Variants in SCN8A observed in about 807,000 individuals in gnomAD.
SCN8A encodes the protein sodium voltage-gated channel alpha subunit 8.
In SCN8A, 30 loss-of-function variants were observed where a neutral mutation model predicts 184.1. The observed-to-expected ratio is 0.16, with a 90% confidence interval of 0.12 to 0.22. The LOEUF is 0.22. Among genes scored for constraint, SCN8A ranks in the 10% least tolerant of loss-of-function variants. The pLI, the probability that SCN8A is intolerant of heterozygous loss-of-function variation, is 1.00. For synonymous variants in SCN8A, 852 were observed against 907.0 expected (o/e 0.94, Z 1.09); for missense variants, 1,057 against 2,498.9 (o/e 0.42, Z 12.30).
chr12:51,743,392 C>T (rs548234739), intron 12 of SCN8A, among the ~76,000 whole-genome samples: 7 of 152,206 alleles, frequency 4.6e-5, no homozygotes, highest in East Asian at 1.9e-4. Flanking sequence ...ATTTGAGCCC[C>T]GAGTCCAATA....
intron 12 of SCN8A, among the ~76,000 whole-genome samples, chr12:51,737,138 G>A (rs911318825): frequency 1.3e-5 from 2 of 152,172 alleles, no homozygotes; most frequent in Non-Finnish European, 2.9e-5. Flanking sequence ...TTGTGCCTTC[G>A]TGAGAGGGAC....
At chr12:51,684,577 G>A (rs1428902411) in intron 3 of SCN8A, among the ~76,000 whole-genome samples, 1 of 152,118 alleles carries the variant, frequency 6.6e-6, no homozygotes, top group Non-Finnish European at 1.5e-5. Context: ...ACTTTATTTA[G>A]TACTCAGACT....
intron 1 of SCN8A, among the ~76,000 whole-genome samples, chr12:51,644,188 TA>T (rs1940513090): frequency 6.6e-6 from 1 of 152,150 alleles, no homozygotes; most frequent in South Asian, 2.1e-4. Context: ...TATGATCTCA[TA>T]GGGCTGGAAG....
intron 1 of SCN8A, among the ~76,000 whole-genome samples, chr12:51,655,054 A>G (rs1454320381): frequency 1.3e-5 from 2 of 151,978 alleles, no homozygotes; most frequent in East Asian, 3.9e-4. Context: ...CATGTACACC[A>G]CGCCCAGCTA....
At chr12:51,775,275 T>G (rs1937654231) in intron 20 of SCN8A, among the ~76,000 whole-genome samples, 1 of 152,218 alleles carries the variant, frequency 6.6e-6, no homozygotes, top group Admixed American at 6.5e-5. Context: ...CAGGTTTCAT[T>G]GGCTGCATGG....
intron 20 of SCN8A, among the ~76,000 whole-genome samples, chr12:51,779,179 C>T (rs1937811882): frequency 6.9e-6 from 1 of 144,976 alleles, no homozygotes; most frequent in Non-Finnish European, 1.5e-5. Context: ...AAGATTGTGC[C>T]ATTGCACTCC....
chr12:51,599,376 T>C (rs560977967), intron 1 of SCN8A, among the ~76,000 whole-genome samples: 1 of 152,302 alleles, frequency 6.6e-6, no homozygotes, highest in South Asian at 2.1e-4. Flanking sequence ...CAAGTTGGTA[T>C]GATTAGAGAC....
At chr12:51,778,344 G>C (rs1271763239) in intron 20 of SCN8A, among the ~76,000 whole-genome samples, 2 of 152,018 alleles carry the variant, frequency 1.3e-5, no homozygotes, top group African/African-American at 2.4e-5. Context: ...GAGTGCAATG[G>C]CACCATCTCC....
intron 2 of SCN8A, among the ~76,000 whole-genome samples, chr12:51,680,479 T>A (rs1424350725): frequency 6.6e-6 from 1 of 152,218 alleles, no homozygotes; most frequent in South Asian, 2.1e-4. Context: ...AGTTTCCATT[T>A]CCTAATGGCT....
intron 11 of SCN8A, among the ~76,000 whole-genome samples, chr12:51,715,052 T>G (rs1306027124): frequency 6.6e-6 from 1 of 152,196 alleles, no homozygotes; most frequent in Non-Finnish European, 1.5e-5. Flanking sequence ...GGTTGGGGTT[T>G]CAGCCCTCAG....
chr12:51,760,767 AT>A (rs369354358), intron 14 of SCN8A, among the ~76,000 whole-genome samples: 1 of 151,526 alleles, frequency 6.6e-6, no homozygotes, highest in Admixed American at 6.6e-5. Flanking sequence ...TCTTTGTGGA[AT>A]TTTTTTTTCA....
chr12:51,689,802 A>T (rs1429207868), intron 6 of SCN8A: 2 of 152,234 alleles, frequency 1.3e-5, no homozygotes, highest in Non-Finnish European at 2.9e-5. Context: ...AACTAAAGGT[A>T]TGGGCAACAA....
intron 12 of SCN8A, among the ~76,000 whole-genome samples, chr12:51,739,330 G>A (rs1942380886): frequency 6.6e-6 from 1 of 151,972 alleles, no homozygotes; most frequent in African/African-American, 2.4e-5. Flanking sequence ...ACTAAGAGCC[G>A]TCACTCGAGG....
chr12:51,657,843 C>T (rs528138073), intron 1 of SCN8A, among the ~76,000 whole-genome samples: 2 of 152,110 alleles, frequency 1.3e-5, no homozygotes, highest in South Asian at 2.1e-4. Context: ...TATGGTTATC[C>T]AGTTTTCCCG....
chr12:51,595,136 C>T (rs1403781514), intron 1 of SCN8A, among the ~76,000 whole-genome samples: 1 of 152,176 alleles, frequency 6.6e-6, no homozygotes, highest in Admixed American at 6.5e-5. Context: ...CTGAACTGAA[C>T]ACTAGTACAA....
At position 51,730,814 on chromosome 12, in the gene SCN8A, A is replaced by G. The variant is rs149341236; in HGVS notation, c.1998+8906A>G. Among the ~76,000 whole-genome samples, 540 of 151,986 alleles carry G rather than the reference A, an allele frequency of 3.6e-3. 2 individuals are homozygous for G. The highest frequency in any genetic ancestry group is 0.012 in the African/African-American group (510 of 41,470). On this transcript the variant is annotated intron_variant, in intron 12 of 26. Coordinates refer to ENST00000627620, the MANE Select transcript of SCN8A (RefSeq NM_001330260.2). ...TAGCTCTTATTCTTACTTTCTAACA[A>G]TTTTTTTTGTACCCATTAACTACCT...
intron 2 of SCN8A, 123 bp downstream of exon 2, chr12:51,663,216 T>A: frequency 1.7e-6 from 2 of 1,175,196 alleles, no homozygotes; most frequent in Non-Finnish European, 2.4e-6. Flanking sequence ...TTGTTTCAGT[T>A]CTGGCTTGTG....
chr12:51,791,989 G>A (rs569532569), intron 25 of SCN8A, among the ~76,000 whole-genome samples: 6 of 152,242 alleles, frequency 3.9e-5, no homozygotes, highest in African/African-American at 1.4e-4. Context: ...CGTGCACTAA[G>A]CATTATGTGA....
At chr12:51,663,582 A>G (rs1465420628) in intron 2 of SCN8A, among the ~76,000 whole-genome samples, 1 of 152,196 alleles carries the variant, frequency 6.6e-6, no homozygotes, top group Non-Finnish European at 1.5e-5. Context: ...CAAACAGCCA[A>G]TGAGGACAGA....
Sources: gnomAD v4.1 joint callset for allele counts (sites outside exome capture counted in the v4.1 genomes callset) on GRCh38, gnomAD v4.1.1 for gene constraint, MANE v1.5 for transcripts, NCBI Gene and HGNC (gene_info 2026-07-23, HGNC 2026-07-21) for gene names.